SLC25A48: variants seen among roughly 807,000 people sequenced by gnomAD.
SLC25A48 encodes solute carrier family 25 member 48, also known as CTC-321K16.1.
Under a neutral mutation model 32.2 loss-of-function variants are expected in SLC25A48, and 29 were observed. That is an observed-to-expected ratio of 0.90 (90% CI 0.67 to 1.23). The LOEUF (loss-of-function observed/expected upper bound fraction) is 1.23, where lower values mean the gene tolerates loss of function less well. Among genes scored for constraint, SLC25A48 ranks in the 50% most tolerant of loss-of-function variants. The pLI, the probability that SLC25A48 is intolerant of heterozygous loss-of-function variation, is 0.00. For synonymous variants in SLC25A48, 164 were observed against 172.3 expected (o/e 0.95, Z 0.38); for missense variants, 399 against 422.7 (o/e 0.94, Z 0.49).
chr5:135,764,622 C>T (rs970958694), intron 3 of SLC25A48, among the ~76,000 whole-genome samples: 5 of 150,902 alleles, frequency 3.3e-5, no homozygotes, highest in African/African-American at 9.8e-5. Flanking sequence ...TGATATGGTT[C>T]GTAATATCCA....
chr5:135,581,588 C>A (rs1417081561), intron 1 of SLC25A48, among the ~76,000 whole-genome samples: 1 of 152,242 alleles, frequency 6.6e-6, no homozygotes, highest in Non-Finnish European at 1.5e-5. Context: ...TCTAACAACA[C>A]CAGCGATCGT....
chr5:135,611,524 A>AAAAAAAAAAG, intron 1 of SLC25A48, among the ~76,000 whole-genome samples: 1 of 141,692 alleles, frequency 7.1e-6, no homozygotes, highest in Non-Finnish European at 1.5e-5. Flanking sequence ...AAAAAAAAAA[A>AAAAAAAAAAG]AAAGAAAAAG....
chr5:135,863,914 GAGA>G (rs1760997616), intron 4 of SLC25A48, among the ~76,000 whole-genome samples: 3 of 152,214 alleles, frequency 2.0e-5, no homozygotes, highest in South Asian at 4.1e-4. Context: ...CAAGTTGGGA[GAGA>G]AGAAGAAAGA....
Position 135,618,797 on chromosome 5 carries a change from T to C in SLC25A48, c.-848-10440T>C, listed in dbSNP as rs1752250353. On this transcript the variant is annotated intron_variant, in intron 1 of 10. Coordinates refer to the SLC25A48 transcript ENST00000646290. ...TACTTGAGTTGTAGTTTCTTTCTTTTAGCACTTTGAATATATTATATCATT... is the reference window on the plus strand; with the variant it reads ...TACTTGAGTTGTAGTTTCTTTCTTTCAGCACTTTGAATATATTATATCATT... 7.2e-5 allele frequency among the ~76,000 whole-genome samples: 11 copies of C among 152,242 alleles called. 1 individual carries two copies. The South Asian group carries it at 2.3e-3, about 32-fold the overall frequency.
At chr5:135,637,832 G>T (rs1458506345) in intron 3 of SLC25A48, among the ~76,000 whole-genome samples, 1 of 152,154 alleles carries the variant, frequency 6.6e-6, no homozygotes, top group East Asian at 1.9e-4. Context: ...GGCCTGTACT[G>T]GATGTTTGGG....
intron 7 of SLC25A48, among the ~76,000 whole-genome samples, chr5:135,881,010 C>G (rs990144310): frequency 6.6e-6 from 1 of 152,134 alleles, no homozygotes; most frequent in Non-Finnish European, 1.5e-5. Context: ...GCTGCGCTGT[C>G]CCTACCTTTG....
intron 1 of SLC25A48, among the ~76,000 whole-genome samples, chr5:135,588,777 GGAGGTA>G (rs1751435464): frequency 6.6e-6 from 1 of 152,162 alleles, no homozygotes; most frequent in African/African-American, 2.4e-5. Context: ...TGGTTTGATG[GGAGGTA>G]GAGTATACAC....
intron 3 of SLC25A48, among the ~76,000 whole-genome samples, chr5:135,677,002 T>A (rs1753787722): frequency 6.6e-6 from 1 of 152,028 alleles, no homozygotes; most frequent in Non-Finnish European, 1.5e-5. Flanking sequence ...AATTCAATAT[T>A]TCTTTGTTGA....
chr5:135,589,373 G>A (rs546060139), intron 1 of SLC25A48, among the ~76,000 whole-genome samples: 21 of 152,324 alleles, frequency 1.4e-4, no homozygotes, highest in Middle Eastern at 3.4e-3. Context: ...AGGGAACTGT[G>A]TCATGGTTGT....
chr5:135,862,071 G>A (rs963699838), intron 4 of SLC25A48, among the ~76,000 whole-genome samples: 1 of 152,144 alleles, frequency 6.6e-6, no homozygotes, highest in Non-Finnish European at 1.5e-5. Flanking sequence ...GCATGGGCAT[G>A]AGCCTAACTA....
chr5:135,584,378 A>G (rs1751313917), intron 1 of SLC25A48, among the ~76,000 whole-genome samples: 1 of 152,258 alleles, frequency 6.6e-6, no homozygotes, highest in Admixed American at 6.5e-5. Flanking sequence ...TAACCAATTC[A>G]TCAAAGAACA....
rs1756796804 is a variant in SLC25A48 at position 135,784,837 on chromosome 5, T to C, written c.-520-27686T>C. Reference sequence around the variant, plus strand: ...ATATTACTCCCAATATCGTAAGAAATGTATACCTCCCCTGTGATATTGACT... The same window carrying C: ...ATATTACTCCCAATATCGTAAGAAACGTATACCTCCCCTGTGATATTGACT... On this transcript the variant is annotated intron_variant, in intron 3 of 10. Transcript: ENST00000646290. Among the ~76,000 whole-genome samples, 2 of 118,452 alleles carry C rather than the reference T, an allele frequency of 1.7e-5. 1 individual carries two copies. Among genetic ancestry groups the C allele is most frequent in the Non-Finnish European group, 4.2e-5 (2 of 48,012 alleles). 77.7% of individuals were successfully genotyped at this position (118,452 alleles called of 152,430 possible).
Position 135,791,613 on chromosome 5 carries a change from T to G in SLC25A48, c.-520-20910T>G, listed in dbSNP as rs182228263. Reference sequence around the variant, plus strand: ...GTGATATTATTCTTAATATCCTAGGTGGTTGTTACTCCTAATGTCACAGAG... The same window carrying G: ...GTGATATTATTCTTAATATCCTAGGGGGTTGTTACTCCTAATGTCACAGAG... On this transcript the variant is annotated intron_variant, in intron 3 of 10. Coordinates refer to the SLC25A48 transcript ENST00000646290. 1.2e-3 allele frequency among the ~76,000 whole-genome samples: 188 copies of G among 151,586 alleles called. 1 individual carries two copies. The highest frequency in any genetic ancestry group is 2.4e-3 in the Admixed American group (37 of 15,162).
At chr5:135,696,216 A>G (rs776378323) in intron 3 of SLC25A48, among the ~76,000 whole-genome samples, 5 of 152,208 alleles carry the variant, frequency 3.3e-5, no homozygotes, top group South Asian at 4.1e-4. Context: ...TAGGGACCAG[A>G]TTGACTTGGT....
At chr5:135,670,619 A>G (rs1215025341) in intron 3 of SLC25A48, among the ~76,000 whole-genome samples, 1 of 152,200 alleles carries the variant, frequency 6.6e-6, no homozygotes, top group African/African-American at 2.4e-5. Context: ...ATTAAATCAG[A>G]TAGTGCATGT....
In SLC25A48 at chr5:135,772,077, A is replaced by T. The variant is rs144674046; in HGVS notation, c.-520-40446A>T. Among the ~76,000 whole-genome samples the T allele has an allele frequency of 6.6e-3, 1,003 of 151,574 alleles. 14 individuals are homozygous for T. Among genetic ancestry groups the T allele is most frequent in the African/African-American group, 0.023 (962 of 41,338 alleles). On this transcript the variant is annotated intron_variant, in intron 3 of 10. Transcript: ENST00000646290. ...TTACTCCCAATATCACAGAAGGTGT[A>T]CACCACCCTGTGATATTATTCATAA...
intron 3 of SLC25A48, 60 bp from the exon 4 acceptor site, chr5:135,852,503 G>T (rs1418502685): frequency 4.5e-6 from 7 of 1,543,944 alleles, no homozygotes; most frequent in Non-Finnish European, 5.3e-6. Flanking sequence ...CCGTCAGCCT[G>T]CAGGCTCTGC....
At chr5:135,678,686 G>T (rs1753824908) in intron 3 of SLC25A48, among the ~76,000 whole-genome samples, 1 of 152,180 alleles carries the variant, frequency 6.6e-6, no homozygotes, top group African/African-American at 2.4e-5. Flanking sequence ...TGAGGGACGG[G>T]GGTAATTTTT....
intron 3 of SLC25A48, among the ~76,000 whole-genome samples, chr5:135,688,271 A>G (rs930516508): frequency 1.3e-5 from 2 of 152,100 alleles, no homozygotes; most frequent in African/African-American, 2.4e-5. Context: ...TTATCCATTC[A>G]TCCACCAATG....
Sources: gnomAD v4.1 joint callset for allele counts (sites outside exome capture counted in the v4.1 genomes callset) on GRCh38, gnomAD v4.1.1 for gene constraint, MANE v1.5 for transcripts, NCBI Gene and HGNC (gene_info 2026-07-23, HGNC 2026-07-21) for gene names.